ERGIC3: variants seen among roughly 807,000 people sequenced by gnomAD.
ERGIC3 encodes the protein endoplasmic reticulum-Golgi intermediate compartment protein 3.
ERGIC3 carries 33 observed loss-of-function variants against 54.7 expected under a neutral mutation model. The observed-to-expected ratio is 0.60, with a 90% CI of 0.46 to 0.81. The LOEUF is 0.81. ERGIC3 is among the 30% of genes least tolerant of loss of function. The pLI is 0.00. For missense variants in ERGIC3, 399 were observed against 488.4 expected (o/e 0.82, Z 1.73); for synonymous variants, 186 against 189.8 (o/e 0.98, Z 0.16).
chr20:35,555,151 A>G lies in ERGIC3; in HGVS notation c.717+76A>G, dbSNP rs373327775. ...TTGCTGCCTTCATTTCCTTGTAGGAACATCCTGGGATGGGGTAGTGCATAT... is the reference window on the plus strand; with the variant it reads ...TTGCTGCCTTCATTTCCTTGTAGGAGCATCCTGGGATGGGGTAGTGCATAT... On this transcript the variant is annotated intron_variant, in intron 8 of 12. Transcript: ENST00000348547. 5.6e-5 allele frequency: 86 copies of G among 1,540,560 alleles called. No homozygotes were observed. The African/African-American group carries it at 1.0e-3, about 19-fold the overall frequency.
chr20:35,549,020 G>A, intron 7 of ERGIC3, 155 bp downstream of exon 7: 1 of 832,658 alleles, frequency 1.2e-6, no homozygotes, highest in Non-Finnish European at 2.0e-6. Context: ...CAGTGGCTAA[G>A]AGCACAGGCC....
chr20:35,547,584 C>CTG, intron 5 of ERGIC3, 79 bp downstream of exon 5: 2 of 1,357,270 alleles, frequency 1.5e-6, no homozygotes, highest in Non-Finnish European at 2.1e-6. Flanking sequence ...CAGACTGTGG[C>CTG]AGGTGGGGAG....
At chr20:35,551,426 G>C (rs1273922990) in intron 7 of ERGIC3, among the ~76,000 whole-genome samples, 2 of 152,158 alleles carry the variant, frequency 1.3e-5, no homozygotes, top group Non-Finnish European at 2.9e-5. Context: ...ATAGCATCTG[G>C]GTGTCCTTCT....
At chr20:35,553,019 G>GTTTTTTTTTTTTTTTT (rs2064689546) in intron 7 of ERGIC3, among the ~76,000 whole-genome samples, 3 of 12,632 alleles carry the variant, frequency 2.4e-4, no homozygotes, top group African/African-American at 1.8e-4. Flanking sequence ...CAAAGCTGGG[G>GTTTTTTTTTTTTTTTT]ATTTTTTTTT....
At chr20:35,542,266 C>T in intron 1 of ERGIC3, 57 bp from the exon 2 acceptor site, 1 of 1,612,476 alleles carries the variant, frequency 6.2e-7, no homozygotes, top group Non-Finnish European at 8.5e-7. Context: ...GACTGGCCTG[C>T]CGGTGTCTGA....
chr20:35,547,372 C>A (rs201208533), intron 4 of ERGIC3, 40 bp from the exon 5 acceptor site: 8 of 1,535,424 alleles, frequency 5.2e-6, no homozygotes, highest in Non-Finnish European at 7.2e-6. Flanking sequence ...TTCACTGTGT[C>A]TGGCCCCAGC....
chr20:35,550,394 T>G (rs1370930040), intron 7 of ERGIC3, among the ~76,000 whole-genome samples: 1 of 151,924 alleles, frequency 6.6e-6, no homozygotes, highest in Non-Finnish European at 1.5e-5. Flanking sequence ...GGCGGGTGGA[T>G]CACCTGAGGT....
intron 7 of ERGIC3, among the ~76,000 whole-genome samples, chr20:35,551,063 A>C (rs1262634527): frequency 6.6e-6 from 1 of 152,084 alleles, no homozygotes; most frequent in Admixed American, 6.5e-5. Flanking sequence ...AGGCCAAGGC[A>C]GGTGGATTGC....
At chr20:35,554,827 G>A in intron 7 of ERGIC3, 1 of 633,230 alleles carries the variant, frequency 1.6e-6, no homozygotes, top group Non-Finnish European at 2.8e-6. Flanking sequence ...AGGAACCAGG[G>A]TCTGTTCTAA....
At chr20:35,544,657 C>T (rs1007336197) in intron 4 of ERGIC3, 22 of 196,462 alleles carry the variant, frequency 1.1e-4, no homozygotes, top group African/African-American at 3.3e-4. Flanking sequence ...CAGGCGCCCG[C>T]GGCGGCAGCT....
At chr20:35,554,256 CTG>C (rs2064699100) in intron 7 of ERGIC3, 2 of 1,360,590 alleles carry the variant, frequency 1.5e-6, no homozygotes, top group Non-Finnish European at 2.1e-6. Context: ...TGGGGCCAGA[CTG>C]TGTTGCTGAG....
intron 4 of ERGIC3, 46 bp from the exon 5 acceptor site, chr20:35,547,366 C>A: frequency 6.7e-7 from 1 of 1,503,342 alleles, no homozygotes; most frequent in Non-Finnish European, 9.3e-7. Context: ...ACCGATTTCA[C>A]TGTGTCTGGC....
At chr20:35,551,286 T>C (rs140917651) in intron 7 of ERGIC3, among the ~76,000 whole-genome samples, 155 of 150,978 alleles carry the variant, frequency 1.0e-3, no homozygotes, top group Non-Finnish European at 1.9e-3. Context: ...AGAGTGAGAT[T>C]CCATCTCCAT....
At chr20:35,542,440 G>A (rs772970240) in intron 2 of ERGIC3, 47 bp downstream of exon 2, 3 of 1,613,848 alleles carry the variant, frequency 1.9e-6, no homozygotes, top group Middle Eastern at 1.7e-4. Flanking sequence ...CATTCTAGGA[G>A]TAGGACCTTT....
At chr20:35,553,003 G>A (rs965297450) in intron 7 of ERGIC3, among the ~76,000 whole-genome samples, 4 of 137,350 alleles carry the variant, frequency 2.9e-5, no homozygotes, top group Non-Finnish European at 4.7e-5. Context: ...GCTTTGCCCT[G>A]AGCTTCAAAG....
rs1601357862 is a variant in ERGIC3 at position 35,542,326 on chromosome 20, C to G, written c.92C>G (p.Thr31Ser). ...ACCCTCGCCCCTTGTCCTGCAGTGA[C>G]CATTGTCAGTGGCCTTCTCATGCTG... ...RVKTCGGATV[T>S]IVSGLLMLLL... is the part of the protein sequence containing the mutation. Residue 31 changes from threonine (T) to serine (S), a missense_variant, in exon 2 of 13, where the codon ACC becomes AGC. Transcript: ENST00000348547. The G allele has an allele frequency of 6.2e-7, 1 of 1,614,052 alleles. No individual in the cohort carries two copies.
Position 35,548,973 on chromosome 20 carries a change from C to G in ERGIC3, c.685+108C>G, listed in dbSNP as rs185938562. 1.4e-4 allele frequency: 186 copies of G among 1,319,344 alleles called. No individual in the cohort carries two copies. The East Asian group carries it at 3.9e-3, about 27-fold the overall frequency. The allele number at this position is 1,319,344 out of a possible 1,614,324, so 81.7% of individuals were successfully genotyped here. On this transcript the variant is annotated intron_variant, in intron 7 of 12. Transcript: ENST00000348547. Reference sequence around the variant, plus strand: ...TCATTTGTCTTGGGCAACCATTTGGCCAGAGCAGGCCTTCATCTCAGGGCA... The same window carrying G: ...TCATTTGTCTTGGGCAACCATTTGGGCAGAGCAGGCCTTCATCTCAGGGCA...
At chr20:35,546,192 A>T (rs1318839783) in intron 4 of ERGIC3, among the ~76,000 whole-genome samples, 1 of 152,204 alleles carries the variant, frequency 6.6e-6, no homozygotes, top group African/African-American at 2.4e-5. Context: ...TTTGAAAGGA[A>T]CAATTTTGAT....
intron 7 of ERGIC3, among the ~76,000 whole-genome samples, chr20:35,550,419 C>G (rs2064675207): frequency 1.3e-5 from 2 of 151,934 alleles, no homozygotes; most frequent in South Asian, 2.1e-4. Context: ...AGTTCAAGAC[C>G]AGCCTGGCCA....
Sources: allele counts gnomAD v4.1 joint callset (sites outside exome capture counted in the v4.1 genomes callset), GRCh38; gene constraint gnomAD v4.1.1; transcripts MANE v1.5; gene names NCBI Gene and HGNC (gene_info 2026-07-23, HGNC 2026-07-21).